The following PHC2 variants were observed in gnomAD, a reference collection of about 807,000 sequenced individuals.
The protein encoded by PHC2 is polyhomeotic-like protein 2.
A neutral mutation model predicts 87.4 loss-of-function variants in PHC2; 29 were observed. The observed-to-expected ratio is 0.33, with a 90% CI of 0.25 to 0.45. The LOEUF is 0.45. PHC2 is among the 20% of genes least tolerant of loss of function. The pLI, the probability that PHC2 is intolerant of heterozygous loss-of-function variation, is 1.00. For missense variants in PHC2, 857 were observed against 1,136.7 expected, an observed-to-expected ratio of 0.75 and a Z score of 3.54; for synonymous variants, 438 against 461.7, an observed-to-expected ratio of 0.95 and a Z score of 0.66.
Position 33,364,414 on chromosome 1 carries a change from A to ACG in PHC2, c.976+2701_976+2702insCG, listed in dbSNP as rs893452161. Among the ~76,000 whole-genome samples, 3 of 105,572 alleles carry ACG rather than the reference A, an allele frequency of 2.8e-5. No homozygotes were observed. The highest frequency in any genetic ancestry group is 7.2e-5 in the African/African-American group (2 of 27,654). 69.3% of individuals were successfully genotyped at this position (105,572 alleles called of 152,430 possible). A position where few individuals can be genotyped will look rare whatever the true frequency, so the allele number is the denominator to read the frequency against. ...TTCACACACACACACACACACACAC[A>ACG]CACACACACACGCTCAAGCACGCTC... On this transcript the variant is annotated intron_variant, in intron 7 of 14. Coordinates refer to ENST00000683057, the MANE Select transcript of PHC2 (RefSeq NM_001385109.1). This position sits in a 1 kb window ranked among gnomAD's most constrained non-coding sequence, Gnocchi z 4.1.
intron 1 of PHC2, among the ~76,000 whole-genome samples, chr1:33,393,056 G>T (rs548054146): frequency 6.6e-6 from 1 of 152,192 alleles, no homozygotes; most frequent in East Asian, 1.9e-4. Flanking sequence ...CCTCTATCCT[G>T]TACCCCCTTA....
intron 1 of PHC2, among the ~76,000 whole-genome samples, chr1:33,385,351 T>A (rs1007478585): frequency 6.6e-6 from 1 of 152,106 alleles, no homozygotes; most frequent in Non-Finnish European, 1.5e-5. Context: ...CAAAGTATCA[T>A]GAGAGAGAGT....
rs377618717 is a variant in PHC2, at chr1:33,401,028, A to G, written c.-54-25435T>C. On this transcript the variant is annotated intron_variant, in intron 1 of 14. Coordinates refer to ENST00000683057, the MANE Select transcript of PHC2 (RefSeq NM_001385109.1). ...AATTATAAATCTTTTTGTAACATAA[A>G]AATTATATCCATCTTGGGCCAGGCA... Among the ~76,000 whole-genome samples the G allele has an allele frequency of 3.3e-5, 5 of 152,206 alleles. No individual in the cohort carries two copies. The East Asian group carries it at 5.8e-4, about 18-fold the overall frequency.
intron 9 of PHC2, chr1:33,347,501 G>A (rs947971271): frequency 7.0e-5 from 69 of 985,198 alleles, no homozygotes; most frequent in Non-Finnish European, 8.2e-5. Context: ...CCAGGAGGTG[G>A]GGACATGATG....
At chr1:33,346,355 A>C in intron 9 of PHC2, 1 of 985,432 alleles carries the variant, frequency 1.0e-6, no homozygotes, top group Non-Finnish European at 1.2e-6. Flanking sequence ...GAAAGTCATC[A>C]TCATGATCAT....
chr1:33,326,587 A>G (rs1646376330), intron 14 of PHC2, among the ~76,000 whole-genome samples: 1 of 152,250 alleles, frequency 6.6e-6, no homozygotes, highest in Non-Finnish European at 1.5e-5. Context: ...GTTTTTGTCT[A>G]ATGGAATGGA....
chr1:33,373,148 G>A (rs1647962267), intron 2 of PHC2, among the ~76,000 whole-genome samples: 1 of 151,982 alleles, frequency 6.6e-6, no homozygotes, highest in Non-Finnish European at 1.5e-5. Context: ...ATGGAGTTTC[G>A]CTCTTGTTGC....
chr1:33,329,690 A>G (rs1197320779), intron 13 of PHC2, among the ~76,000 whole-genome samples: 1 of 152,158 alleles, frequency 6.6e-6, no homozygotes, highest in Non-Finnish European at 1.5e-5. Flanking sequence ...TCGCGTGTTC[A>G]GGGAGGCAAA....
intron 1 of PHC2, among the ~76,000 whole-genome samples, chr1:33,377,436 A>G (rs1648243081): frequency 6.6e-6 from 1 of 152,118 alleles, no homozygotes; most frequent in Non-Finnish European, 1.5e-5. Context: ...ACAGAACTGG[A>G]AATTCTACCT....
chr1:33,428,952 T>C (rs1475421587), intron 1 of PHC2, among the ~76,000 whole-genome samples: 1 of 152,220 alleles, frequency 6.6e-6, no homozygotes, highest in Non-Finnish European at 1.5e-5. Flanking sequence ...CCCTGACCCA[T>C]CTCACACTCC....
At position 33,364,389 on chromosome 1, in the gene PHC2, T is replaced by TTC. The variant is rs1373265602; in HGVS notation, c.976+2725_976+2726dup. 1.0e-5 allele frequency among the ~76,000 whole-genome samples: 1 copy of TTC among 97,542 alleles called. No homozygotes were observed. Among genetic ancestry groups the TTC allele is most frequent in the African/African-American group, 5.4e-5 (1 of 18,576 alleles). 64.0% of individuals were successfully genotyped at this position (97,542 alleles called of 152,430 possible). A position where few individuals can be genotyped will look rare whatever the true frequency, so the allele number is the denominator to read the frequency against. ...ACACACACACACACACACACTTGCT[T>TTC]TCACACACACACACACACACACACA... is the stretch of plus-strand genomic sequence containing the variant. On this transcript the variant is annotated intron_variant, in intron 7 of 14. Coordinates refer to ENST00000683057, the MANE Select transcript of PHC2 (RefSeq NM_001385109.1). This position sits in a 1 kb window ranked among gnomAD's most constrained non-coding sequence, Gnocchi z 4.1.
At chr1:33,373,266 C>T (rs930798324) in intron 2 of PHC2, among the ~76,000 whole-genome samples, 12 of 152,072 alleles carry the variant, frequency 7.9e-5, no homozygotes, top group Non-Finnish European at 1.5e-4. Context: ...TACAGGTGCC[C>T]GCCACCACAC....
Position 33,368,237 on chromosome 1 carries a change from T to C in PHC2, c.663+299A>G, listed in dbSNP as rs1647601800. 6.6e-6 allele frequency among the ~76,000 whole-genome samples: 1 copy of C among 152,208 alleles called. No homozygotes were observed. Among genetic ancestry groups the C allele is most frequent in the Admixed American group, 6.5e-5 (1 of 15,282 alleles). ...GAAGCAGCAGCAGCCAGACCAGCTA[T>C]GCTGGGGCAGGTGTAAAGTATGGAG... On this transcript the variant is annotated intron_variant, in intron 6 of 14. Transcript: ENST00000683057. The surrounding 1 kb of genome is among the most constrained non-coding windows in gnomAD (Gnocchi z 6.6).
rs1646566751 is a variant in PHC2 at position 33,334,036 on chromosome 1, A to C, written c.1761+54T>G. The C allele has an allele frequency of 6.9e-7, 1 of 1,443,648 alleles. No individual in the cohort carries two copies. The highest frequency in any genetic ancestry group is 1.2e-5 in the South Asian group (1 of 81,906). 89.4% of individuals were successfully genotyped at this position (1,443,648 alleles called of 1,614,324 possible). On this transcript the variant is annotated intron_variant, in intron 10 of 14. Transcript: ENST00000683057. This position sits in a 1 kb window ranked among gnomAD's most constrained non-coding sequence, Gnocchi z 5.5. ...TTACATGGAAATGTAAAAATATTCT[A>C]AGACACATCCAAAATATACTTAAAA...
At chr1:33,325,215 G>A (rs913009115) in intron 14 of PHC2, 196 bp from the exon 15 acceptor site, 36 of 568,528 alleles carry the variant, frequency 6.3e-5, no homozygotes, top group South Asian at 1.2e-4. Flanking sequence ...CACAGCAGCC[G>A]CGATCTGGGC....
intron 1 of PHC2, among the ~76,000 whole-genome samples, chr1:33,390,568 C>T (rs749557188): frequency 2.0e-5 from 3 of 152,128 alleles, no homozygotes; most frequent in African/African-American, 4.8e-5. Context: ...TGAACAATTA[C>T]TATATGTTTG....
At position 33,426,513 on chromosome 1, in the gene PHC2, G is replaced by T. The variant is rs560992881; in HGVS notation, c.-55+4463C>A. Among the ~76,000 whole-genome samples, 61 of 152,288 alleles carry T rather than the reference G, an allele frequency of 4.0e-4. No homozygotes were observed. The South Asian group carries it at 0.013, about 32-fold the overall frequency. ...AAAGGAATAGAAATGAACTTGTGTT[G>T]TATTTAAACTGGGAGTAACAATAGC... On this transcript the variant is annotated intron_variant, in intron 1 of 14. Coordinates refer to ENST00000683057, the MANE Select transcript of PHC2 (RefSeq NM_001385109.1).
At chr1:33,340,744 G>A (rs1298919285) in intron 9 of PHC2, among the ~76,000 whole-genome samples, 1 of 152,114 alleles carries the variant, frequency 6.6e-6, no homozygotes, top group Admixed American at 6.6e-5. Context: ...GGAGGAGGGA[G>A]GGGAACAGGC....
intron 7 of PHC2, among the ~76,000 whole-genome samples, chr1:33,357,438 G>A (rs905293582): frequency 1.3e-5 from 2 of 152,190 alleles, no homozygotes; most frequent in Non-Finnish European, 2.9e-5. Flanking sequence ...AATAAGATGT[G>A]TTACAAAGGA....
Sources: allele counts gnomAD v4.1 joint callset (sites outside exome capture counted in the v4.1 genomes callset), GRCh38; gene constraint gnomAD v4.1.1; non-coding constraint Gnocchi (gnomAD v3.1); transcripts MANE v1.5; gene names NCBI Gene and HGNC (gene_info 2026-07-23, HGNC 2026-07-21).